AKAP11: variants seen among roughly 807,000 people sequenced by gnomAD.
The protein encoded by AKAP11 is A-kinase anchoring protein 11.
Under a neutral mutation model 146.1 loss-of-function variants are expected in AKAP11, and 36 were observed. The observed-to-expected ratio is 0.25, with a 90% CI of 0.19 to 0.33. The LOEUF (loss-of-function observed/expected upper bound fraction) is 0.33. Among genes scored for constraint, AKAP11 ranks in the 10% least tolerant of loss-of-function variants. The pLI is 1.00. For missense variants in AKAP11, 2,201 were observed against 2,197.0 expected (o/e 1.00, Z -0.04); for synonymous variants, 780 against 786.5 (o/e 0.99, Z 0.14).
intron 8 of AKAP11, among the ~76,000 whole-genome samples, chr13:42,307,374 A>G (rs1488815400): frequency 6.6e-6 from 1 of 152,212 alleles, no homozygotes; most frequent in Non-Finnish European, 1.5e-5. Context: ...TAAGTAAAAT[A>G]TATAGTATGT....
chr13:42,292,872 G>T (rs1462833691), intron 4 of AKAP11, among the ~76,000 whole-genome samples: 1 of 151,768 alleles, frequency 6.6e-6, no homozygotes, highest in Admixed American at 6.6e-5. Context: ...TGATTTTTTG[G>T]GTTATTTTCT....
chr13:42,293,914 G>A (rs1959347744), intron 4 of AKAP11, among the ~76,000 whole-genome samples: 1 of 152,202 alleles, frequency 6.6e-6, no homozygotes, highest in Non-Finnish European at 1.5e-5. Flanking sequence ...GTTATTGAGT[G>A]CCTGTAATGT....
intron 1 of AKAP11, among the ~76,000 whole-genome samples, chr13:42,276,848 T>G (rs1404455053): frequency 6.6e-5 from 10 of 152,220 alleles, no homozygotes; most frequent in Admixed American, 6.5e-4. Context: ...AAGAGCTACT[T>G]AAATGCCTTT....
intron 9 of AKAP11, among the ~76,000 whole-genome samples, chr13:42,310,894 C>A (rs1202007679): frequency 1.3e-5 from 2 of 151,472 alleles, no homozygotes; most frequent in African/African-American, 4.9e-5. Context: ...TTTGAAAACA[C>A]CTTGCCAGTT....
At chr13:42,282,519 TAGC>T (rs771348653) in intron 1 of AKAP11, among the ~76,000 whole-genome samples, 6 of 152,166 alleles carry the variant, frequency 3.9e-5, no homozygotes, top group Non-Finnish European at 5.9e-5. Flanking sequence ...AGAAGTGAAA[TAGC>T]AGGACTAAAG....
intron 3 of AKAP11, among the ~76,000 whole-genome samples, chr13:42,289,162 C>T (rs1959187336): frequency 6.6e-6 from 1 of 152,264 alleles, no homozygotes; most frequent in South Asian, 2.1e-4. Flanking sequence ...TTCCTGAATT[C>T]ATTATTTCAT....
chr13:42,299,301 T>G (rs937870182), intron 7 of AKAP11, 62 bp from the exon 8 acceptor site: 5 of 1,403,056 alleles, frequency 3.6e-6, no homozygotes, highest in Non-Finnish European at 4.8e-6. Flanking sequence ...TCCATGGATT[T>G]AAGTTAATTT....
chr13:42,299,864 T>G lies in AKAP11; in HGVS notation c.1118T>G (p.Leu373Arg). 4 of 1,613,876 alleles carry G rather than the reference T, an allele frequency of 2.5e-6. No individual in the cohort carries two copies. The highest frequency in any genetic ancestry group is 3.4e-6 in the Non-Finnish European group (4 of 1,179,868). The change falls in exon 8 of 13, where the codon CTG (leucine) becomes CGG (arginine). Residue 373 changes from leucine (L) to arginine (R), a missense_variant. Physicochemically the swap from Leu to Arg is moderately radical, Grantham distance 102. Transcript: ENST00000025301. The stretch of plus-strand genomic sequence containing the variant: ...CTAGAACAAACTTTAGAGACTTGCC[T>G]GTTTAACAAAGATCCCGTCATAGGG... ...DELEQTLETC[L>R]FNKDPVIGKS...
intron 1 of AKAP11, among the ~76,000 whole-genome samples, chr13:42,279,103 G>A (rs1422625129): frequency 2.6e-5 from 4 of 152,070 alleles, no homozygotes; most frequent in African/African-American, 9.7e-5. Flanking sequence ...ATTTGGTTAT[G>A]ATTTGCCTTG....
rs1960979720 is a variant in AKAP11, at chr13:42,319,348, T to TAAATATA, written c.*121_*127dup. 1 of 1,298,288 alleles carries TAAATATA rather than the reference T, an allele frequency of 7.7e-7. No individual in the cohort carries two copies. The highest frequency in any genetic ancestry group is 1.5e-5 in the South Asian group (1 of 65,964). The allele number at this position is 1,298,288 out of a possible 1,614,324, so 80.4% of individuals were successfully genotyped here. ...CATCGTAAGTCAGTTGGGAGGCAAG[T>TAAATATA]AAATATAGCTTTCTGAGCGCTTTGT... On this transcript the variant is annotated 3_prime_UTR_variant, in exon 13 of 13. Coordinates refer to ENST00000025301, the MANE Select transcript of AKAP11 (RefSeq NM_016248.4).
At position 42,321,287 on chromosome 13, in the gene AKAP11, ATGTT is replaced by A. The variant is rs1961076067; in HGVS notation, c.*2061_*2064del. The A allele has an allele frequency of 1.3e-5, 2 of 152,302 alleles. No individual in the cohort carries two copies. The highest frequency in any genetic ancestry group is 4.1e-4 in the South Asian group (2 of 4,826). 9.4% of individuals were successfully genotyped at this position (152,302 alleles called of 1,614,324 possible). A position where few individuals can be genotyped will look rare whatever the true frequency, so the allele number is the denominator to read the frequency against. On this transcript the variant is annotated 3_prime_UTR_variant, in exon 13 of 13. Transcript: ENST00000025301. ...ATTTTGTGAAACTTTGTGTTTGAAA[ATGTT>A]TATTTCTGTTTATGGTGTAATCATT...
In AKAP11 at chr13:42,302,612, G is replaced by A; in HGVS notation, c.3866G>A (p.Ser1289Asn). 6.2e-7 allele frequency: 1 copy of A among 1,614,150 alleles called. No homozygotes were observed. The highest frequency in any genetic ancestry group is 8.5e-7 in the Non-Finnish European group (1 of 1,180,018). Residue 1289 changes from serine to asparagine, a missense_variant, in exon 8 of 13, where the codon AGT (serine) becomes AAT (asparagine). Around this residue, in one of 3 missense-constraint regions of AKAP11, gnomAD observed 1,867 missense variants for 1,833.5 expected, o/e 1.02. Transcript: ENST00000025301. ...ATGCTTTTCAAGCAAAAGAAGAACA[G>A]TTGTTATGCTGATGGTGACGAAGAT... ...NCMLFKQKKNSCYADGDEDYK... is the reference protein window; with the variant it reads ...NCMLFKQKKNNCYADGDEDYK...
chr13:42,290,893 T>C lies in AKAP11; in HGVS notation c.52-1492T>C, dbSNP rs140587688. ...CCCCAGGGAAATCTAGTTCTTTTTA[T>C]TGGTGATAGATATTTACAGACCAAA... On this transcript the variant is annotated intron_variant, in intron 3 of 12. Transcript: ENST00000025301. Among the ~76,000 whole-genome samples, 109 of 152,328 alleles carry C rather than the reference T, an allele frequency of 7.2e-4. No individual in the cohort carries two copies. In the East Asian group the frequency reaches 0.02, roughly 29 times the overall value.
chr13:42,311,841 A>G (rs984740332), intron 9 of AKAP11, among the ~76,000 whole-genome samples: 2 of 152,074 alleles, frequency 1.3e-5, no homozygotes, highest in Non-Finnish European at 2.9e-5. Flanking sequence ...TAACAGTTTT[A>G]TAATAGAGCT....
chr13:42,275,808 G>A (rs4942104), intron 1 of AKAP11, among the ~76,000 whole-genome samples: 59,077 of 151,954 alleles, frequency 0.39, 11,936 homozygotes, highest in East Asian at 0.63. Flanking sequence ...CAATTAAACA[G>A]TGTCTGGCAT....
chr13:42,302,976 A>C lies in AKAP11; in HGVS notation c.4230A>C (p.Leu1410Phe), dbSNP rs17063167. 2.2e-3 allele frequency: 3,564 copies of C among 1,613,854 alleles called. 64 individuals carry two copies. In the African/African-American group the frequency reaches 0.042, roughly 19 times the overall value. The change falls in exon 8 of 13, where the codon TTA (leucine) becomes TTC (phenylalanine). Residue 1410 changes from leucine to phenylalanine, a missense_variant. By Grantham distance (22) the Leu-to-Phe change is conservative. Coordinates refer to ENST00000025301, the MANE Select transcript of AKAP11 (RefSeq NM_016248.4). ...SSQVKTNKEL[L>F]MFSNKEHHQE... The stretch of plus-strand genomic sequence containing the variant: ...AAGTGAAAACAAACAAGGAACTGTT[A>C]ATGTTTTCAAACAAAGAGCACCACC...
rs748329840 is a variant in AKAP11 at position 42,313,914 on chromosome 13, A to T, written c.5378A>T (p.Asp1793Val). The change falls in exon 11 of 13, where the codon GAT becomes GTT. Residue 1793 changes from aspartate (D) to valine (V), a missense_variant. Around this residue, in one of 3 missense-constraint regions of AKAP11, gnomAD observed 1,867 missense variants for 1,833.5 expected, o/e 1.02. Coordinates refer to ENST00000025301, the MANE Select transcript of AKAP11 (RefSeq NM_016248.4). ...ATAAGTGATGGACCAGATGATAAAG[A>T]TGAAGAGCATGAGGACGAAGTAGAA... ...TSDSDGPDDK[D>V]EEHEDEVEGL... The T allele has an allele frequency of 3.1e-6, 5 of 1,613,820 alleles. No homozygotes were observed. In the East Asian group the frequency reaches 8.9e-5, roughly 29 times the overall value.
chr13:42,271,531 G>C (rs901303439), upstream of AKAP11, among the ~76,000 whole-genome samples: 1 of 152,238 alleles, frequency 6.6e-6, no homozygotes, highest in Non-Finnish European at 1.5e-5. Flanking sequence ...TTCGGATCTG[G>C]TGGGGCTGCC....
intron 9 of AKAP11, among the ~76,000 whole-genome samples, chr13:42,311,596 GT>G (rs927166728): frequency 6.6e-6 from 1 of 150,730 alleles, no homozygotes; most frequent in Non-Finnish European, 1.5e-5. Flanking sequence ...TCGTTTAGCT[GT>G]TTTTTTTTAA....
Sources: gnomAD v4.1 joint callset for allele counts (sites outside exome capture counted in the v4.1 genomes callset) on GRCh38, gnomAD v4.1.1 for gene constraint, gnomAD v4.1.1 regional missense constraint, MANE v1.5 for transcripts, NCBI Gene and HGNC (gene_info 2026-07-23, HGNC 2026-07-21) for gene names.